The following CDH18 variants were observed in gnomAD, a reference collection of about 807,000 sequenced individuals.
The protein encoded by CDH18 is cadherin-18.
In CDH18, 31 loss-of-function variants were observed where a neutral mutation model predicts 67.9. The ratio of observed to expected loss-of-function variants is 0.46; its 90% CI spans 0.34 to 0.62. The LOEUF (loss-of-function observed/expected upper bound fraction) is 0.62, where lower values mean the gene tolerates loss of function less well. Among genes scored for constraint, CDH18 ranks in the 20% least tolerant of loss-of-function variants. CDH18 has a pLI of 0.01. For missense variants in CDH18, 890 were observed against 975.5 expected (o/e 0.91, Z 1.17); for synonymous variants, 362 against 347.2 (o/e 1.04, Z -0.48).
At chr5:20,254,989 C>G (rs1378002411) in intron 2 of CDH18, among the ~76,000 whole-genome samples, 3 of 152,108 alleles carry the variant, frequency 2.0e-5, no homozygotes, top group Non-Finnish European at 4.4e-5. Context: ...AACTGAAGGT[C>G]ATAATCTTAA....
chr5:19,501,838 C>T (rs1214221336), intron 11 of CDH18, among the ~76,000 whole-genome samples: 1 of 152,076 alleles, frequency 6.6e-6, no homozygotes, highest in African/African-American at 2.4e-5. Flanking sequence ...TCACAAGTTT[C>T]ACATAGTTAA....
At chr5:20,385,217 C>T (rs941089586) in intron 1 of CDH18, among the ~76,000 whole-genome samples, 3 of 152,102 alleles carry the variant, frequency 2.0e-5, no homozygotes, top group Non-Finnish European at 4.4e-5. Flanking sequence ...ATCCATAAAA[C>T]ACCAAAGCAG....
rs115573694 is a variant in CDH18 at position 19,791,857 on chromosome 5, T to C, written c.229-44621A>G. On this transcript the variant is annotated intron_variant, in intron 3 of 12. Transcript: ENST00000382275. Reference sequence around the variant, plus strand: ...ATTTACACTAGCTGAAGTAAGTCAATTCTCTGAAAAATTCAGTAAGACATT... The same window carrying C: ...ATTTACACTAGCTGAAGTAAGTCAACTCTCTGAAAAATTCAGTAAGACATT... Among the ~76,000 whole-genome samples, 1,452 of 152,328 alleles carry C rather than the reference T, an allele frequency of 9.5e-3. 5 individuals carry two copies. The highest frequency in any genetic ancestry group is 0.016 in the African/African-American group (661 of 41,590).
intron 1 of CDH18, among the ~76,000 whole-genome samples, chr5:20,409,306 G>T (rs539234227): frequency 1.3e-5 from 2 of 151,872 alleles, no homozygotes; most frequent in South Asian, 4.1e-4. Flanking sequence ...TAATAAGATT[G>T]ATATCAAGCT....
At position 20,197,714 on chromosome 5, in the gene CDH18, G is replaced by T. The variant is rs1911824; in HGVS notation, c.-518+57730C>A. 8.7e-3 allele frequency among the ~76,000 whole-genome samples: 1,329 copies of T among 152,304 alleles called. 23 individuals carry two copies. The highest frequency in any genetic ancestry group is 0.029 in the African/African-American group (1,221 of 41,566). The stretch of plus-strand genomic sequence containing the variant: ...TCAGAATACTGTATGACTGTTTAGA[G>T]AGCATTATGTGTTACATTGTAAGGT... On this transcript the variant is annotated intron_variant, in intron 2 of 14. Transcript: ENST00000507958.
chr5:20,140,357 A>G (rs1462101194), intron 2 of CDH18, among the ~76,000 whole-genome samples: 1 of 152,106 alleles, frequency 6.6e-6, no homozygotes, highest in Non-Finnish European at 1.5e-5. Flanking sequence ...TAGGAGAAAT[A>G]CCTAATGTAA....
chr5:20,493,295 G>T (rs1393253563), intron 1 of CDH18, among the ~76,000 whole-genome samples: 2 of 131,050 alleles, frequency 1.5e-5, no homozygotes, highest in East Asian at 5.1e-4. Context: ...GTTGCAGTGA[G>T]CCGAGATCAT....
intron 2 of CDH18, among the ~76,000 whole-genome samples, chr5:20,225,836 C>T (rs1741583382): frequency 6.6e-6 from 1 of 152,068 alleles, no homozygotes; most frequent in Non-Finnish European, 1.5e-5. Flanking sequence ...GAAATGGAAA[C>T]TTTTAAGCTC....
At chr5:20,071,981 A>T (rs1261326240) in intron 2 of CDH18, among the ~76,000 whole-genome samples, 3 of 152,130 alleles carry the variant, frequency 2.0e-5, no homozygotes, top group African/African-American at 7.2e-5. Flanking sequence ...TTACAAAATA[A>T]ATTACCACCT....
chr5:20,513,766 T>C (rs1755193991), intron 1 of CDH18, among the ~76,000 whole-genome samples: 1 of 121,926 alleles, frequency 8.2e-6, no homozygotes, highest in Non-Finnish European at 1.8e-5. Context: ...CCTTTATATA[T>C]TTATTTTGGG....
At chr5:20,007,897 A>G (rs1737053737) in intron 2 of CDH18, among the ~76,000 whole-genome samples, 1 of 152,134 alleles carries the variant, frequency 6.6e-6, no homozygotes, top group African/African-American at 2.4e-5. Context: ...CCACTTGATT[A>G]TAGTCTGCGG....
intron 6 of CDH18, among the ~76,000 whole-genome samples, chr5:19,604,672 A>G (rs1747748839): frequency 6.6e-6 from 1 of 152,084 alleles, no homozygotes; most frequent in Non-Finnish European, 1.5e-5. Flanking sequence ...TTTTTAAAAC[A>G]TAAATAAAGT....
intron 1 of CDH18, among the ~76,000 whole-genome samples, chr5:20,566,217 A>G (rs545129024): frequency 6.6e-6 from 1 of 152,246 alleles, no homozygotes; most frequent in South Asian, 2.1e-4. Context: ...ATAGAAGGCT[A>G]GGCTACATAC....
intron 5 of CDH18, among the ~76,000 whole-genome samples, chr5:19,655,871 C>T (rs916744461): frequency 1.2e-4 from 18 of 151,836 alleles, no homozygotes; most frequent in African/African-American, 4.1e-4. Flanking sequence ...ATAAATTTTA[C>T]AGGATTTCCC....
intron 6 of CDH18, among the ~76,000 whole-genome samples, chr5:19,608,265 A>G (rs1748386414): frequency 6.6e-6 from 1 of 151,728 alleles, no homozygotes; most frequent in Non-Finnish European, 1.5e-5. Flanking sequence ...GAAATGCTCA[A>G]AACGTTTCAA....
intron 2 of CDH18, among the ~76,000 whole-genome samples, chr5:19,864,429 C>T (rs1012654329): frequency 1.9e-4 from 28 of 150,470 alleles, no homozygotes; most frequent in African/African-American, 5.9e-4. Context: ...CCTAATGCTA[C>T]ATGAGGAGTT....
chr5:20,526,396 G>C (rs1185792896), intron 1 of CDH18, among the ~76,000 whole-genome samples: 3 of 152,090 alleles, frequency 2.0e-5, no homozygotes, highest in Non-Finnish European at 4.4e-5. Flanking sequence ...CAGCACTCCA[G>C]CTCTGCTAAG....
At chr5:19,970,675 T>C (rs1014433154) in intron 2 of CDH18, among the ~76,000 whole-genome samples, 1 of 151,646 alleles carries the variant, frequency 6.6e-6, no homozygotes, top group Non-Finnish European at 1.5e-5. Flanking sequence ...ACGAGACTCA[T>C]GGGAATACAG....
intron 1 of CDH18, among the ~76,000 whole-genome samples, chr5:19,985,090 T>A (rs1208514512): frequency 1.3e-5 from 2 of 152,126 alleles, no homozygotes; most frequent in East Asian, 3.9e-4. Context: ...GTCTTCAACC[T>A]CAACATTTAT....
Sources: allele counts gnomAD v4.1 joint callset (sites outside exome capture counted in the v4.1 genomes callset), GRCh38; gene constraint gnomAD v4.1.1; transcripts MANE v1.5; gene names NCBI Gene and HGNC (gene_info 2026-07-23, HGNC 2026-07-21).